The following SYNJ2 variants were observed in gnomAD, a reference collection of about 807,000 sequenced individuals.
SYNJ2 encodes the protein synaptojanin 2.
A neutral mutation model predicts 141.3 loss-of-function variants in SYNJ2; 116 were observed. The ratio of observed to expected loss-of-function variants is 0.82; its 90% confidence interval spans 0.71 to 0.96. SYNJ2 has a LOEUF of 0.96. Among genes scored for constraint, SYNJ2 ranks in the 40% least tolerant of loss-of-function variants. The pLI, the probability that SYNJ2 is intolerant of heterozygous loss-of-function variation, is 0.00. For missense variants in SYNJ2, 1,873 were observed against 1,934.8 expected (o/e 0.97, Z 0.60); for synonymous variants, 745 against 777.7 (o/e 0.96, Z 0.70).
intron 5 of SYNJ2, among the ~76,000 whole-genome samples, chr6:158,054,121 TCACC>T (rs916494390): frequency 2.8e-5 from 4 of 144,264 alleles, no homozygotes; most frequent in Non-Finnish European, 4.6e-5. Flanking sequence ...ATCCATCCAC[TCACC>T]CACCCACCTA....
At chr6:158,001,081 C>T (rs1008513193) in intron 1 of SYNJ2, 1 of 151,314 alleles carries the variant, frequency 6.6e-6, no homozygotes, top group African/African-American at 2.5e-5. Flanking sequence ...CCCGTTCCCT[C>T]TCCTGCACAC....
intron 1 of SYNJ2, among the ~76,000 whole-genome samples, chr6:157,984,355 G>A (rs1285661906): frequency 6.6e-6 from 1 of 152,110 alleles, no homozygotes; most frequent in Non-Finnish European, 1.5e-5. Flanking sequence ...GTGTTCCAAA[G>A]GGCTAGCTAG....
intron 5 of SYNJ2, among the ~76,000 whole-genome samples, chr6:158,049,917 T>C (rs981567741): frequency 6.6e-6 from 1 of 151,832 alleles, no homozygotes; most frequent in East Asian, 1.9e-4. Flanking sequence ...TGCATGTGGC[T>C]CTGCAGGTAT....
intron 1 of SYNJ2, among the ~76,000 whole-genome samples, chr6:158,007,122 G>T (rs1778103009): frequency 6.6e-6 from 1 of 151,988 alleles, no homozygotes; most frequent in African/African-American, 2.4e-5. Context: ...TGCACACCTT[G>T]CCCGACTAAT....
At chr6:158,088,617 G>A (rs779817215) in intron 23 of SYNJ2, 43 bp from the exon 24 acceptor site, 6 of 1,478,088 alleles carry the variant, frequency 4.1e-6, no homozygotes, top group Non-Finnish European at 4.7e-6. Context: ...GGGAAGTTGT[G>A]CCTTCACTGA....
chr6:157,985,415 GC>G (rs1777163832), intron 1 of SYNJ2, among the ~76,000 whole-genome samples: 1 of 152,130 alleles, frequency 6.6e-6, no homozygotes, highest in Non-Finnish European at 1.5e-5. Context: ...AATTCCAGAG[GC>G]AGAAAAGCCA....
Position 158,040,805 on chromosome 6 carries a change from C to G in SYNJ2, c.712-2511C>G, listed in dbSNP as rs1779904213. On this transcript the variant is annotated intron_variant, in intron 4 of 26. Coordinates refer to ENST00000355585, the MANE Select transcript of SYNJ2 (RefSeq NM_003898.4). This position sits in a 1 kb window ranked among gnomAD's most constrained non-coding sequence, Gnocchi z 4.2. Reference sequence around the variant, plus strand: ...CTCTGGAAGCGTCACTCAGGGTCACCCTCTGGCTGCTCAGTCTGGGGTCTA... The same window carrying G: ...CTCTGGAAGCGTCACTCAGGGTCACGCTCTGGCTGCTCAGTCTGGGGTCTA... 6.6e-6 allele frequency among the ~76,000 whole-genome samples: 1 copy of G among 152,182 alleles called. No homozygotes were observed. Among genetic ancestry groups the G allele is most frequent in the South Asian group, 2.1e-4 (1 of 4,826 alleles).
At position 157,990,924 on chromosome 6, in the gene SYNJ2, C is replaced by T. The variant is rs536553363; in HGVS notation, c.127+8836C>T. ...GGACAGGGAACTAAGTGGCTGCTCACGGTGGGTAAAACTGAGGCTTACAAG... is the reference window on the plus strand; with the variant it reads ...GGACAGGGAACTAAGTGGCTGCTCATGGTGGGTAAAACTGAGGCTTACAAG... On this transcript the variant is annotated intron_variant, in intron 1 of 26. Coordinates refer to ENST00000355585, the MANE Select transcript of SYNJ2 (RefSeq NM_003898.4). Among the ~76,000 whole-genome samples the T allele has an allele frequency of 6.8e-5, 10 of 147,756 alleles. No homozygotes were observed. In the South Asian group the frequency reaches 1.5e-3, roughly 23 times the overall value.
At chr6:158,057,686 G>A (rs1780952280) in intron 6 of SYNJ2, among the ~76,000 whole-genome samples, 1 of 152,260 alleles carries the variant, frequency 6.6e-6, no homozygotes, top group African/African-American at 2.4e-5. Context: ...GAAGGGGCAG[G>A]AATGAGACAG....
In SYNJ2 at chr6:158,095,672, C is replaced by A; in HGVS notation, c.3799C>A (p.Pro1267Thr). The A allele has an allele frequency of 6.2e-7, 1 of 1,612,468 alleles. No individual in the cohort carries two copies. The highest frequency in any genetic ancestry group is 2.2e-5 in the East Asian group (1 of 44,880). ...EQQTVHFTIG[P>T]PETSVEAPPV... ...ACAGACTGTCCATTTTACAATCGGG[C>A]CCCCGGAGACAAGCGTTGAGGCCCC... The change falls in exon 27 of 27, where the codon CCC becomes ACC. Residue 1267 changes from proline to threonine, a missense_variant. By Grantham distance (38) the Pro-to-Thr change is conservative. Coordinates refer to ENST00000355585, the MANE Select transcript of SYNJ2 (RefSeq NM_003898.4).
Position 158,095,614 on chromosome 6 carries a change from T to C in SYNJ2, c.3745-4T>C. On this transcript the variant is annotated splice_region_variant and splice_polypyrimidine_tract_variant and intron_variant, in intron 26 of 26. Coordinates refer to ENST00000355585, the MANE Select transcript of SYNJ2 (RefSeq NM_003898.4). ...TTTACACTCTTTGTCCCACCTTTTC[T>C]CAGCCCCTGTCACCGGAAGAACAGT... 1 of 1,584,894 alleles carries C rather than the reference T, an allele frequency of 6.3e-7. No individual in the cohort carries two copies. The highest frequency in any genetic ancestry group is 8.6e-7 in the Non-Finnish European group (1 of 1,167,566).
At chr6:158,074,000 G>A (rs1480250876) in intron 15 of SYNJ2, among the ~76,000 whole-genome samples, 2 of 151,866 alleles carry the variant, frequency 1.3e-5, no homozygotes, top group Non-Finnish European at 1.5e-5. Context: ...AGCAGCTGCT[G>A]TCATTGTCTT....
chr6:158,044,476 C>T (rs536575093), intron 5 of SYNJ2, among the ~76,000 whole-genome samples: 2 of 152,284 alleles, frequency 1.3e-5, no homozygotes, highest in South Asian at 4.2e-4. Context: ...GATTAACATT[C>T]AGTCTTTCCA....
At position 158,098,968 on chromosome 6, in the gene SYNJ2, A is replaced by T. The variant is rs1783923152; in HGVS notation, c.*2604A>T. 1 of 152,258 alleles carries T rather than the reference A, an allele frequency of 6.6e-6. No homozygotes were observed. Among genetic ancestry groups the T allele is most frequent in the Non-Finnish European group, 1.5e-5 (1 of 68,048 alleles). The allele number at this position is 152,258 out of a possible 1,614,324, so 9.4% of individuals were successfully genotyped here. On this transcript the variant is annotated 3_prime_UTR_variant, in exon 27 of 27. Transcript: ENST00000355585. ...TTAACGTTGTTGAAGTTCAAGGCAC[A>T]TAATAAAATTCTCCCTGATGTGTGT... is the stretch of plus-strand genomic sequence containing the variant.
rs75416842 is a variant in SYNJ2, at chr6:158,023,682, C to T, written c.215-5074C>T. On this transcript the variant is annotated intron_variant, in intron 2 of 26. Coordinates refer to ENST00000355585, the MANE Select transcript of SYNJ2 (RefSeq NM_003898.4). ...GCCCTTCTCTCTTCTGGAAGCTCAC[C>T]GTGTGCCGTGCTCCAGGAAGTAACT... 4.3e-3 allele frequency among the ~76,000 whole-genome samples: 648 copies of T among 152,224 alleles called. 11 individuals carry two copies. In the East Asian group the frequency reaches 0.047, roughly 11 times the overall value.
chr6:158,014,666 G>T (rs578112568), intron 1 of SYNJ2, among the ~76,000 whole-genome samples: 1 of 152,356 alleles, frequency 6.6e-6, no homozygotes, highest in Non-Finnish European at 1.5e-5. Flanking sequence ...CCGACTCTCT[G>T]CCCCACCAGC....
rs61208089 is a variant in SYNJ2, at chr6:158,080,479, T to TAA, written c.2568-614_2568-613dup. On this transcript the variant is annotated intron_variant, in intron 18 of 26. Transcript: ENST00000355585. The stretch of plus-strand genomic sequence containing the variant: ...AACAGAGGGAGACTCTGACTCAAAA[T>TAA]AAAAAAAAAAAAAAAAACGAGCATT... Among the ~76,000 whole-genome samples, 853 of 121,394 alleles carry TAA rather than the reference T, an allele frequency of 7.0e-3. 6 individuals carry two copies. The highest frequency in any genetic ancestry group is 0.023 in the African/African-American group (804 of 34,800). The allele number at this position is 121,394 out of a possible 152,430, so 79.6% of individuals were successfully genotyped here. A position where few individuals can be genotyped will look rare whatever the true frequency, so the allele number is the denominator to read the frequency against.
intron 2 of SYNJ2, among the ~76,000 whole-genome samples, chr6:158,021,522 G>A (rs964097450): frequency 6.6e-6 from 1 of 152,200 alleles, no homozygotes; most frequent in Admixed American, 6.5e-5. Context: ...AAGCTCTGCT[G>A]TCTCTCCTCT....
At chr6:158,008,413 C>T (rs746582723) in intron 1 of SYNJ2, among the ~76,000 whole-genome samples, 9 of 152,230 alleles carry the variant, frequency 5.9e-5, no homozygotes, top group Non-Finnish European at 1.2e-4. Flanking sequence ...TTCAAGTCCC[C>T]TGGAGGGCTC....
Sources: gnomAD v4.1 joint callset for allele counts (sites outside exome capture counted in the v4.1 genomes callset) on GRCh38, gnomAD v4.1.1 for gene constraint, Gnocchi (gnomAD v3.1) non-coding constraint, MANE v1.5 for transcripts, NCBI Gene and HGNC (gene_info 2026-07-23, HGNC 2026-07-21) for gene names.